Variants in PCDH15 observed in about 807,000 individuals in gnomAD.
PCDH15 encodes protocadherin related 15.
PCDH15 carries 129 observed loss-of-function variants against 178.5 expected under a neutral mutation model. The ratio of observed to expected loss-of-function variants is 0.72; its 90% confidence interval spans 0.63 to 0.84. The LOEUF is 0.84. Among genes scored for constraint, PCDH15 ranks in the 40% least tolerant of loss-of-function variants. PCDH15 has a pLI of 0.00. For missense variants in PCDH15, 2,230 were observed against 2,099.9 expected (o/e 1.06, Z -1.21); for synonymous variants, 800 against 732.0 (o/e 1.09, Z -1.50).
chr10:55,283,658 C>T (rs1729460583), intron 1 of PCDH15, among the ~76,000 whole-genome samples: 2 of 150,780 alleles, frequency 1.3e-5, no homozygotes, highest in African/African-American at 2.4e-5. Context: ...TGGTATAGAG[C>T]TTTGTGCATC....
chr10:54,779,418 A>G (rs1950047588), intron 1 of PCDH15, among the ~76,000 whole-genome samples: 1 of 129,398 alleles, frequency 7.7e-6, no homozygotes, highest in African/African-American at 2.8e-5. Context: ...ATATATATAT[A>G]TATACACACA....
chr10:54,487,871 C>A (rs1930177), intron 3 of PCDH15, among the ~76,000 whole-genome samples: 74,517 of 151,570 alleles, frequency 0.49, 19,363 homozygotes, highest in African/African-American at 0.64. Flanking sequence ...TCATTTTAAA[C>A]AAACAATAAA....
rs117911035 is a variant in PCDH15 at position 54,041,708 on chromosome 10, G to A, written c.2221-18511C>T. 6.0e-3 allele frequency among the ~76,000 whole-genome samples: 910 copies of A among 152,022 alleles called. 3 individuals are homozygous for A. Among genetic ancestry groups the A allele is most frequent in the Non-Finnish European group, 9.7e-3 (662 of 67,940 alleles). Reference sequence around the variant, plus strand: ...TGAAAAAGTAAAGTGAACTATGAGAGCACATAAATATAGGTACTTAAATCC... The same window carrying A: ...TGAAAAAGTAAAGTGAACTATGAGAACACATAAATATAGGTACTTAAATCC... On this transcript the variant is annotated intron_variant, in intron 18 of 37. Coordinates refer to ENST00000644397, the MANE Select transcript of PCDH15 (RefSeq NM_001384140.1).
chr10:54,810,998 T>C (rs754786130), intron 3 of PCDH15, among the ~76,000 whole-genome samples: 7 of 152,134 alleles, frequency 4.6e-5, no homozygotes, highest in Admixed American at 1.3e-4. Flanking sequence ...AAAGTATCTG[T>C]AGAAATTCAT....
chr10:55,149,588 A>C (rs1838640634), intron 2 of PCDH15, among the ~76,000 whole-genome samples: 2 of 152,070 alleles, frequency 1.3e-5, no homozygotes, highest in Non-Finnish European at 2.9e-5. Context: ...CAGTTTGGAC[A>C]GTCAAATAAA....
chr10:55,291,745 G>A lies in PCDH15; in HGVS notation c.-156+27854C>T, dbSNP rs146280728. ...CTGGTAAAGACATACCTAAGACTGG[G>A]CAATTTACAAAATAAAGGAGTTTAA... On this transcript the variant is annotated intron_variant, in intron 1 of 5. Coordinates refer to the PCDH15 transcript ENST00000458638. Among the ~76,000 whole-genome samples the A allele has an allele frequency of 9.9e-4, 151 of 152,250 alleles. 1 individual carries two copies. Among genetic ancestry groups the A allele is most frequent in the African/African-American group, 3.6e-3 (149 of 41,556 alleles).
intron 1 of PCDH15, among the ~76,000 whole-genome samples, chr10:54,718,704 TC>T (rs767701463): frequency 0.056 from 7,508 of 133,708 alleles, 312 homozygotes; most frequent in African/African-American, 0.061. Context: ...TTTTTTTTTT[TC>T]TTTTGAGATG....
chr10:53,847,459 A>G (rs1449831576), intron 28 of PCDH15, among the ~76,000 whole-genome samples: 1 of 152,014 alleles, frequency 6.6e-6, no homozygotes, highest in African/African-American at 2.4e-5. Context: ...ATACAGACCC[A>G]CAGGGACTCT....
intron 1 of PCDH15, among the ~76,000 whole-genome samples, chr10:55,234,715 A>G (rs2132203218): frequency 6.6e-6 from 1 of 152,144 alleles, no homozygotes; most frequent in East Asian, 1.9e-4. Context: ...TTCTGATAAA[A>G]CATGTATTTT....
chr10:54,713,983 A>G (rs2095451607), intron 1 of PCDH15, among the ~76,000 whole-genome samples: 1 of 152,134 alleles, frequency 6.6e-6, no homozygotes, highest in Admixed American at 6.6e-5. Flanking sequence ...ATTGTGATGA[A>G]CAGAATCAAG....
intron 2 of PCDH15, among the ~76,000 whole-genome samples, chr10:55,159,542 G>T (rs1839003990): frequency 6.7e-6 from 1 of 148,808 alleles, no homozygotes; most frequent in East Asian, 2.0e-4. Context: ...ACTAGGACGT[G>T]ACAAAATAAA....
chr10:55,051,385 G>A (rs1167450447), intron 2 of PCDH15, among the ~76,000 whole-genome samples: 2 of 152,064 alleles, frequency 1.3e-5, no homozygotes, highest in Non-Finnish European at 2.9e-5. Context: ...TTTTAATATA[G>A]TAAACAGTAG....
At chr10:55,437,098 G>A (rs1433006674) in intron 2 of PCDH15, among the ~76,000 whole-genome samples, 1 of 152,088 alleles carries the variant, frequency 6.6e-6, no homozygotes, top group Non-Finnish European at 1.5e-5. Context: ...CTATAATGAT[G>A]GTCATACAAT....
intron 2 of PCDH15, among the ~76,000 whole-genome samples, chr10:55,569,880 G>A (rs569548231): frequency 2.6e-5 from 4 of 151,582 alleles, no homozygotes; most frequent in Admixed American, 6.6e-5. Context: ...ACTAAATATT[G>A]GTCTCCTGAG....
At chr10:55,170,860 C>A (rs542503361) in intron 1 of PCDH15, among the ~76,000 whole-genome samples, 2 of 151,488 alleles carry the variant, frequency 1.3e-5, no homozygotes, top group South Asian at 4.2e-4. Flanking sequence ...CCAGCCTGGG[C>A]GACACAGGGA....
At chr10:55,555,319 C>T (rs1428664603) in intron 2 of PCDH15, among the ~76,000 whole-genome samples, 1 of 152,110 alleles carries the variant, frequency 6.6e-6, no homozygotes, top group Non-Finnish European at 1.5e-5. Flanking sequence ...AAAAGCTCAT[C>T]AGTAGAGCTG....
chr10:54,512,019 A>G (rs1381118232), intron 3 of PCDH15, among the ~76,000 whole-genome samples: 1 of 152,092 alleles, frequency 6.6e-6, no homozygotes, highest in Non-Finnish European at 1.5e-5. Flanking sequence ...AAACCCAGAG[A>G]TTTCATCTTT....
chr10:54,209,131 T>C (rs933613959), intron 10 of PCDH15, among the ~76,000 whole-genome samples: 1 of 152,094 alleles, frequency 6.6e-6, no homozygotes, highest in African/African-American at 2.4e-5. Flanking sequence ...TGAGAAGTGA[T>C]GACTGATGAT....
intron 20 of PCDH15, among the ~76,000 whole-genome samples, chr10:54,014,856 T>C (rs2092693905): frequency 6.6e-6 from 1 of 151,952 alleles, no homozygotes; most frequent in Non-Finnish European, 1.5e-5. Context: ...AGAAACGAGA[T>C]AAGGATGTCC....
Sources: allele counts gnomAD v4.1 joint callset (sites outside exome capture counted in the v4.1 genomes callset), GRCh38; gene constraint gnomAD v4.1.1; transcripts MANE v1.5; gene names NCBI Gene and HGNC (gene_info 2026-07-23, HGNC 2026-07-21).